The following NOL9 variants were observed in gnomAD, a reference collection of about 807,000 sequenced individuals.
NOL9 encodes the protein polynucleotide 5'-hydroxyl-kinase NOL9.
Under a neutral mutation model 67.9 loss-of-function variants are expected in NOL9, and 28 were observed. That is an observed-to-expected ratio of 0.41 (90% confidence interval 0.31 to 0.57). The LOEUF (loss-of-function observed/expected upper bound fraction) is 0.57, where lower values mean the gene tolerates loss of function less well. Among genes scored for constraint, NOL9 ranks in the 20% least tolerant of loss-of-function variants. The probability of loss-of-function intolerance (pLI) is 0.25; values close to 1 mark genes in which losing one functional copy is unlikely to be tolerated. For synonymous variants in NOL9, 356 were observed against 352.2 expected (o/e 1.01, Z -0.12); for missense variants, 777 against 897.0 (o/e 0.87, Z 1.71).
intron 5 of NOL9, among the ~76,000 whole-genome samples, chr1:6,542,619 G>A (rs902095118): frequency 3.3e-4 from 50 of 150,482 alleles, no homozygotes; most frequent in Non-Finnish European, 4.7e-4. Flanking sequence ...CACCACGCCC[G>A]GCTAATTTTT....
intron 9 of NOL9, among the ~76,000 whole-genome samples, chr1:6,531,245 G>A (rs1639021281): frequency 1.3e-5 from 2 of 151,298 alleles, no homozygotes; most frequent in Admixed American, 1.3e-4. Flanking sequence ...TCGGCATCTC[G>A]CTCTGTCACC....
At chr1:6,554,032 A>G (rs555404921) in intron 1 of NOL9, 75 bp downstream of exon 1, 8 of 1,277,048 alleles carry the variant, frequency 6.3e-6, no homozygotes, top group African/African-American at 1.6e-5. Flanking sequence ...GTCCTCTCCT[A>G]CCCTGCAGCT....
chr1:6,538,394 C>A, intron 6 of NOL9, among the ~76,000 whole-genome samples: 1 of 152,178 alleles, frequency 6.6e-6, no homozygotes, highest in Non-Finnish European at 1.5e-5. Flanking sequence ...AGGCTGGGAC[C>A]GGATGCCGTG....
rs1237000029 is a variant in NOL9 at position 6,541,720 on chromosome 1, G to T, written c.1075+110C>A. The stretch of plus-strand genomic sequence containing the variant: ...TATGGAAAGACCATGAGTTTGGTAG[G>T]CGCATGTTCCCTTTTAATATTTTAT... On this transcript the variant is annotated intron_variant, in intron 6 of 11. Transcript: ENST00000377705. 1.6e-5 allele frequency: 8 copies of T among 515,192 alleles called. No homozygotes were observed. The East Asian group carries it at 2.3e-4, about 15-fold the overall frequency. 31.9% of individuals were successfully genotyped at this position (515,192 alleles called of 1,614,324 possible). A position where few individuals can be genotyped will look rare whatever the true frequency, so the allele number is the denominator to read the frequency against.
rs1553181408 is a variant in NOL9, at chr1:6,522,900, AAG to A, written c.*2952_*2953del. 6.7e-6 allele frequency: 1 copy of A among 148,490 alleles called. No individual in the cohort carries two copies. Among genetic ancestry groups the A allele is most frequent in the Non-Finnish European group, 1.5e-5 (1 of 67,232 alleles). The allele number at this position is 148,490 out of a possible 1,614,324, so 9.2% of individuals were successfully genotyped here. A position where few individuals can be genotyped will look rare whatever the true frequency, so the allele number is the denominator to read the frequency against. On this transcript the variant is annotated 3_prime_UTR_variant, in exon 12 of 12. Coordinates refer to ENST00000377705, the MANE Select transcript of NOL9 (RefSeq NM_024654.5). ...CTCTGTCTCAAAAAAAAAAAAAAAA[AAG>A]AAATTGCTTCAGCACTTTGGGAGGC...
rs1427466943 is a variant in NOL9 at position 6,545,224 on chromosome 1, T to C, written c.745-44A>G. 3.2e-6 allele frequency: 5 copies of C among 1,579,440 alleles called. No homozygotes were observed. In the South Asian group the frequency reaches 4.5e-5, roughly 14 times the overall value. ...ACTTTAAGGTGAAAAAATGCATATT[T>C]TTTTCTTCAGTACTAAATTAATCAA... On this transcript the variant is annotated intron_variant, in intron 3 of 11. Coordinates refer to ENST00000377705, the MANE Select transcript of NOL9 (RefSeq NM_024654.5).
intron 3 of NOL9, chr1:6,548,744 A>G (rs1398569934): frequency 6.2e-6 from 1 of 161,956 alleles, no homozygotes. Flanking sequence ...GACAATTTAT[A>G]TTATCTCAAA....
At chr1:6,534,830 G>A (rs368039979) in intron 6 of NOL9, among the ~76,000 whole-genome samples, 2 of 152,124 alleles carry the variant, frequency 1.3e-5, no homozygotes, top group South Asian at 2.1e-4. Context: ...TTGAGACAGA[G>A]TCTCACTCTG....
At chr1:6,534,052 T>C (rs1232451668) in intron 6 of NOL9, among the ~76,000 whole-genome samples, 1 of 151,802 alleles carries the variant, frequency 6.6e-6, no homozygotes, top group African/African-American at 2.4e-5. Context: ...CATGCCCGGC[T>C]TATTTTGTAT....
chr1:6,550,279 C>T lies in NOL9; in HGVS notation c.616+117G>A, dbSNP rs77305271. The T allele has an allele frequency of 2.9e-4, 234 of 813,904 alleles. 3 individuals carry two copies. In the East Asian group the frequency reaches 5.3e-3, roughly 18 times the overall value. The allele number at this position is 813,904 out of a possible 1,614,324, so 50.4% of individuals were successfully genotyped here. A position where few individuals can be genotyped will look rare whatever the true frequency, so the allele number is the denominator to read the frequency against. ...ATCTCCTGACCTCATGATCCGCCCG[C>T]CTTGGCCTCCCAAAGTGCTGGGATT... On this transcript the variant is annotated intron_variant, in intron 2 of 11. Coordinates refer to ENST00000377705, the MANE Select transcript of NOL9 (RefSeq NM_024654.5).
chr1:6,537,238 A>G (rs1639175792), intron 6 of NOL9, among the ~76,000 whole-genome samples: 1 of 152,150 alleles, frequency 6.6e-6, no homozygotes, highest in East Asian at 1.9e-4. Flanking sequence ...CATATACAAA[A>G]ATCAACTCAA....
At chr1:6,552,021 C>G (rs1330245820) in intron 1 of NOL9, among the ~76,000 whole-genome samples, 2 of 151,950 alleles carry the variant, frequency 1.3e-5, no homozygotes, top group Non-Finnish European at 2.9e-5. Flanking sequence ...GGCAACAGAG[C>G]GAGACTCCAT....
Position 6,554,125 on chromosome 1 carries a change from C to G in NOL9, c.378G>C (p.Leu126=). Residue 126 remains leucine, a synonymous_variant, in exon 1 of 12, where the codon CTG becomes CTC. Transcript: ENST00000377705. Reference sequence around the variant, plus strand: ...CACCTACCTGCTCGACCGGCAGCAGCAGCAACGCGCGGCCGGGGCCCACGG... The same window carrying G: ...CACCTACCTGCTCGACCGGCAGCAGGAGCAACGCGCGGCCGGGGCCCACGG... ...VRPVGPGRAL[L]LLPVEQGFTF... is the part of the protein sequence containing the mutation. 1.3e-6 allele frequency: 2 copies of G among 1,530,356 alleles called. No homozygotes were observed. The highest frequency in any genetic ancestry group is 1.8e-6 in the Non-Finnish European group (2 of 1,138,252). 94.8% of individuals were successfully genotyped at this position (1,530,356 alleles called of 1,614,324 possible).
At chr1:6,545,620 A>T (rs1639403511) in intron 3 of NOL9, among the ~76,000 whole-genome samples, 1 of 152,212 alleles carries the variant, frequency 6.6e-6, no homozygotes, top group South Asian at 2.1e-4. Context: ...TGGGAAAGCA[A>T]CCCAAGGAAA....
chr1:6,533,126 G>C (rs1009174342), intron 7 of NOL9, among the ~76,000 whole-genome samples, 154 bp downstream of exon 7: 1 of 152,192 alleles, frequency 6.6e-6, no homozygotes, highest in Non-Finnish European at 1.5e-5. Flanking sequence ...AGTGAGCCGA[G>C]ATCACGCCAT....
At chr1:6,552,808 CCTTCCTTT>C (rs1254321313) in intron 1 of NOL9, among the ~76,000 whole-genome samples, 1 of 151,958 alleles carries the variant, frequency 6.6e-6, no homozygotes, top group Non-Finnish European at 1.5e-5. Context: ...TCCCCTCCCT[CCTTCCTTT>C]CTTCCTTTCT....
At chr1:6,552,147 G>A (rs1464503236) in intron 1 of NOL9, among the ~76,000 whole-genome samples, 1 of 152,178 alleles carries the variant, frequency 6.6e-6, no homozygotes, top group African/African-American at 2.4e-5. Flanking sequence ...AGCCTGTGGG[G>A]GTCTGGGGAA....
rs760459048 is a variant in NOL9 at position 6,554,351 on chromosome 1, C to T, written c.152G>A (p.Arg51Gln). Residue 51 changes from arginine to glutamine, a missense_variant, in exon 1 of 12, where the codon CGG (arginine) becomes CAG (glutamine). Physicochemically the swap from Arg to Gln is conservative, Grantham distance 43. Around this residue, in one of 2 missense-constraint regions of NOL9, gnomAD observed 364 missense variants for 344.4 expected, o/e 1.06. Coordinates refer to ENST00000377705, the MANE Select transcript of NOL9 (RefSeq NM_024654.5). Reference sequence around the variant, plus strand: ...GCCGGACGCCTGGGCTTGCAGTAACCGCCACCGTAGGCGCCGCCGACCGCA... The same window carrying T: ...GCCGGACGCCTGGGCTTGCAGTAACTGCCACCGTAGGCGCCGCCGACCGCA... Reference protein sequence around the residue: ...RWCGRRRLRWRLLQAQASGVD... With the variant: ...RWCGRRRLRWQLLQAQASGVD... 1 of 1,457,250 alleles carries T rather than the reference C, an allele frequency of 6.9e-7. No homozygotes were observed. Among genetic ancestry groups the T allele is most frequent in the Non-Finnish European group, 9.0e-7 (1 of 1,112,818 alleles). 90.3% of individuals were successfully genotyped at this position (1,457,250 alleles called of 1,614,324 possible).
intron 3 of NOL9, among the ~76,000 whole-genome samples, chr1:6,548,910 C>T (rs539508742): frequency 2.0e-5 from 3 of 151,814 alleles, no homozygotes; most frequent in Admixed American, 6.6e-5. Context: ...GGTGAAACCC[C>T]GTCTGTACTA....
Sources: allele counts gnomAD v4.1 joint callset (sites outside exome capture counted in the v4.1 genomes callset), GRCh38; gene constraint gnomAD v4.1.1; regional missense constraint gnomAD v4.1.1; transcripts MANE v1.5; gene names NCBI Gene and HGNC (gene_info 2026-07-23, HGNC 2026-07-21).